Variants in TCF12 observed in about 807,000 individuals in gnomAD.
TCF12 encodes the protein DNA-binding protein HTF4.
In TCF12, 45 loss-of-function variants were observed where a neutral mutation model predicts 86.0. The observed-to-expected ratio is 0.52, with a 90% CI of 0.41 to 0.67. The LOEUF (loss-of-function observed/expected upper bound fraction) is 0.67. TCF12 is among the 30% of genes least tolerant of loss of function. TCF12 has a pLI of 0.00. For synonymous variants in TCF12, 330 were observed against 299.6 expected (o/e 1.10, Z -1.05); for missense variants, 881 against 859.9 (o/e 1.02, Z -0.31).
At chr15:57,269,412 G>A (rs1268109515) in intron 18 of TCF12, among the ~76,000 whole-genome samples, 1 of 80,644 alleles carries the variant, frequency 1.2e-5, no homozygotes, top group East Asian at 4.3e-4. Context: ...TTGTTTGGTA[G>A]ATCTTCCTCC....
intron 5 of TCF12, among the ~76,000 whole-genome samples, chr15:57,116,399 G>A (rs1390675529): frequency 6.6e-6 from 1 of 152,058 alleles, no homozygotes; most frequent in African/African-American, 2.4e-5. Context: ...CTGCTGAAGA[G>A]CAGTGGCATG....
In TCF12 at chr15:56,923,733, T is replaced by C. The variant is rs189904277; in HGVS notation, c.148+2635T>C. 2.0e-5 allele frequency among the ~76,000 whole-genome samples: 3 copies of C among 152,258 alleles called. No individual in the cohort carries two copies. The East Asian group carries it at 5.8e-4, about 29-fold the overall frequency. Reference sequence around the variant, plus strand: ...TGATTTTGGGTTAGTTTTTAGTAGATTGTTTGTATGATATCTGAAAATTTC... The same window carrying C: ...TGATTTTGGGTTAGTTTTTAGTAGACTGTTTGTATGATATCTGAAAATTTC... On this transcript the variant is annotated intron_variant, in intron 3 of 20. Transcript: ENST00000333725.
intron 3 of TCF12, among the ~76,000 whole-genome samples, chr15:57,060,037 A>G (rs1486954548): frequency 6.6e-6 from 1 of 152,178 alleles, no homozygotes; most frequent in Non-Finnish European, 1.5e-5. Context: ...GTAATGGCAG[A>G]TGTTGGACTT....
chr15:57,223,643 G>GATTTTTTTTTTTTTTTTTTT (rs2058707540), intron 8 of TCF12, among the ~76,000 whole-genome samples: 1 of 69,666 alleles, frequency 1.4e-5, no homozygotes, highest in East Asian at 5.0e-4. Flanking sequence ...TACCAATGAG[G>GATTTTTTTTTTTTTTTTTTT]TTTTTTTTTT....
At chr15:57,188,371 A>G (rs997909050) in intron 6 of TCF12, among the ~76,000 whole-genome samples, 4 of 152,216 alleles carry the variant, frequency 2.6e-5, no homozygotes, top group African/African-American at 9.7e-5. Flanking sequence ...CCATTTGAAC[A>G]CTTAATATTA....
intron 4 of TCF12, among the ~76,000 whole-genome samples, chr15:57,076,558 C>T (rs1167440330): frequency 6.6e-6 from 1 of 150,454 alleles, no homozygotes; most frequent in African/African-American, 2.4e-5. Flanking sequence ...GAGGCTGAGG[C>T]AGGAGAATAG....
At chr15:57,015,072 T>TG (rs1322358359) in intron 3 of TCF12, among the ~76,000 whole-genome samples, 1 of 152,054 alleles carries the variant, frequency 6.6e-6, no homozygotes, top group Admixed American at 6.6e-5. Flanking sequence ...GCAGATTGCT[T>TG]GGGCTCAGGA....
intron 7 of TCF12, among the ~76,000 whole-genome samples, chr15:57,197,406 C>T (rs1443209844): frequency 6.6e-6 from 1 of 152,078 alleles, no homozygotes; most frequent in East Asian, 1.9e-4. Context: ...GATCCGCCCA[C>T]CTTGGCTTCC....
intron 3 of TCF12, among the ~76,000 whole-genome samples, chr15:57,004,660 C>T (rs1448049102): frequency 6.6e-6 from 1 of 152,170 alleles, no homozygotes; most frequent in Non-Finnish European, 1.5e-5. Flanking sequence ...CCACCTGCCT[C>T]AGCTTCCTAA....
chr15:57,188,275 T>C (rs1256444531), intron 6 of TCF12, among the ~76,000 whole-genome samples: 1 of 152,124 alleles, frequency 6.6e-6, no homozygotes, highest in Admixed American at 6.5e-5. Flanking sequence ...ACATGAAATA[T>C]AAGACTTGTA....
intron 5 of TCF12, among the ~76,000 whole-genome samples, chr15:57,131,323 C>T (rs975220604): frequency 1.3e-5 from 2 of 152,056 alleles, no homozygotes; most frequent in Non-Finnish European, 2.9e-5. Flanking sequence ...GAGCTTTAAC[C>T]GAGCTATTGC....
At chr15:57,271,359 G>A (rs2061133882) in intron 18 of TCF12, among the ~76,000 whole-genome samples, 1 of 152,226 alleles carries the variant, frequency 6.6e-6, no homozygotes, top group African/African-American at 2.4e-5. Context: ...TGCGCTAGCA[G>A]CAAGCAAGGC....
At chr15:57,017,929 C>T (rs2065248527) in intron 3 of TCF12, among the ~76,000 whole-genome samples, 1 of 152,010 alleles carries the variant, frequency 6.6e-6, no homozygotes, top group Admixed American at 6.6e-5. Flanking sequence ...GCAAGGGACA[C>T]CAGATTATTT....
chr15:56,995,349 G>A (rs1309063394), intron 3 of TCF12, among the ~76,000 whole-genome samples: 1 of 145,282 alleles, frequency 6.9e-6, no homozygotes, highest in African/African-American at 2.5e-5. Context: ...AAATGACATT[G>A]GTAGTTTGAT....
chr15:57,106,282 C>G (rs1230056913), intron 5 of TCF12, among the ~76,000 whole-genome samples: 3 of 151,980 alleles, frequency 2.0e-5, no homozygotes, highest in Admixed American at 1.3e-4. Flanking sequence ...TAGTAATGCT[C>G]TAATGTTAAT....
chr15:57,172,601 G>C (rs1471074600), intron 6 of TCF12, among the ~76,000 whole-genome samples: 3 of 152,152 alleles, frequency 2.0e-5, no homozygotes, highest in Non-Finnish European at 4.4e-5. Context: ...CACAAAGAAG[G>C]CACCTGTAGA....
intron 3 of TCF12, among the ~76,000 whole-genome samples, chr15:57,050,031 A>G (rs2067504725): frequency 6.6e-6 from 1 of 152,160 alleles, no homozygotes; most frequent in Non-Finnish European, 1.5e-5. Context: ...TACAGTATAC[A>G]GTCTTATCAC....
rs1555458759 is a variant in TCF12 at position 56,962,155 on chromosome 15, AT to A, written c.148+41058del. ...CTCAAAAAAAAAAAAAAAAAAAAAA[AT>A]ATGTTTAATGGTGAATTGTGGTCAA... On this transcript the variant is annotated intron_variant, in intron 3 of 20. Transcript: ENST00000333725. 9.2e-3 allele frequency among the ~76,000 whole-genome samples: 915 copies of A among 99,198 alleles called. 10 individuals are homozygous for A. The highest frequency in any genetic ancestry group is 0.023 in the African/African-American group (759 of 32,324). 65.1% of individuals were successfully genotyped at this position (99,198 alleles called of 152,430 possible).
intron 4 of TCF12, among the ~76,000 whole-genome samples, chr15:57,087,695 G>A (rs1240012532): frequency 6.6e-6 from 1 of 152,000 alleles, no homozygotes; most frequent in African/African-American, 2.4e-5. Flanking sequence ...AGAAATTAAT[G>A]GTTTTTGTAA....
Sources: allele counts gnomAD v4.1 joint callset (sites outside exome capture counted in the v4.1 genomes callset), GRCh38; gene constraint gnomAD v4.1.1; transcripts MANE v1.5; gene names NCBI Gene and HGNC (gene_info 2026-07-23, HGNC 2026-07-21).